The following SEMA3E variants were observed in gnomAD, a reference collection of about 807,000 sequenced individuals.
SEMA3E encodes semaphorin-3E.
A neutral mutation model predicts 93.6 loss-of-function variants in SEMA3E; 49 were observed. The ratio of observed to expected loss-of-function variants is 0.52; its 90% CI spans 0.42 to 0.66. The LOEUF (loss-of-function observed/expected upper bound fraction) is 0.66, where lower values mean the gene tolerates loss of function less well. SEMA3E is among the 30% of genes least tolerant of loss of function. SEMA3E has a pLI of 0.00. For synonymous variants in SEMA3E, 363 were observed against 330.7 expected, an observed-to-expected ratio of 1.10 and a Z score of -1.06; for missense variants, 906 against 964.8, an observed-to-expected ratio of 0.94 and a Z score of 0.81.
chr7:83,381,277 T>C (rs1787772482), intron 16 of SEMA3E, among the ~76,000 whole-genome samples: 1 of 151,986 alleles, frequency 6.6e-6, no homozygotes, highest in Admixed American at 6.6e-5. Flanking sequence ...TCTATTAGTC[T>C]CCCTACTGCT....
intron 4 of SEMA3E, among the ~76,000 whole-genome samples, chr7:83,439,347 C>T (rs1036924003): frequency 6.6e-6 from 1 of 152,104 alleles, no homozygotes; most frequent in Non-Finnish European, 1.5e-5. Context: ...CTCTAACAGC[C>T]GATTTGTTAT....
chr7:83,625,548 A>C (rs1199734433), intron 1 of SEMA3E, among the ~76,000 whole-genome samples: 1 of 152,054 alleles, frequency 6.6e-6, no homozygotes, highest in Admixed American at 6.6e-5. Flanking sequence ...ATTTTTGCAC[A>C]TTATTTTGTA....
chr7:83,554,431 C>T (rs1425044942), intron 1 of SEMA3E, among the ~76,000 whole-genome samples: 2 of 152,044 alleles, frequency 1.3e-5, no homozygotes, highest in Non-Finnish European at 2.9e-5. Context: ...GATACGTGCA[C>T]GCAATACTGC....
At chr7:83,577,072 T>TTA (rs1792420127) in intron 1 of SEMA3E, among the ~76,000 whole-genome samples, 1 of 152,220 alleles carries the variant, frequency 6.6e-6, no homozygotes, top group African/African-American at 2.4e-5. Context: ...TTCACTTCAC[T>TTA]TATATATATT....
chr7:83,555,568 G>A (rs1424878510), intron 1 of SEMA3E, among the ~76,000 whole-genome samples: 1 of 152,056 alleles, frequency 6.6e-6, no homozygotes, highest in African/African-American at 2.4e-5. Context: ...TCTACAATGA[G>A]GCTTAAAGAA....
At chr7:83,542,583 A>C (rs2115768601) in intron 1 of SEMA3E, among the ~76,000 whole-genome samples, 1 of 152,294 alleles carries the variant, frequency 6.6e-6, no homozygotes, top group East Asian at 1.9e-4. Context: ...TAAATAAAAT[A>C]AACAAAATCC....
At chr7:83,540,631 C>T (rs1203912865) in intron 1 of SEMA3E, among the ~76,000 whole-genome samples, 1 of 152,094 alleles carries the variant, frequency 6.6e-6, no homozygotes, top group African/African-American at 2.4e-5. Context: ...TAGTACTTCT[C>T]AAGGGTTGAT....
At chr7:83,616,415 A>T (rs930277290) in intron 1 of SEMA3E, among the ~76,000 whole-genome samples, 2 of 152,150 alleles carry the variant, frequency 1.3e-5, no homozygotes, top group African/African-American at 4.8e-5. Flanking sequence ...TTTGAGATGA[A>T]ACATCTTACC....
chr7:83,384,502 T>A (rs1021309553), intron 16 of SEMA3E, among the ~76,000 whole-genome samples: 9 of 152,230 alleles, frequency 5.9e-5, no homozygotes, highest in African/African-American at 2.2e-4. Flanking sequence ...TCCATTTTTT[T>A]TTCTACTTGC....
chr7:83,444,778 C>T (rs551819922), intron 4 of SEMA3E, among the ~76,000 whole-genome samples: 2 of 150,558 alleles, frequency 1.3e-5, no homozygotes, highest in South Asian at 4.2e-4. Context: ...TCAAGTGATT[C>T]TCCTGCCTCA....
chr7:83,634,995 T>C (rs1793854485), intron 1 of SEMA3E, among the ~76,000 whole-genome samples: 1 of 152,094 alleles, frequency 6.6e-6, no homozygotes, highest in African/African-American at 2.4e-5. Context: ...TCTAAGAATA[T>C]ACCATATGGT....
chr7:83,363,801 A>G lies in SEMA3E; in HGVS notation c.*3785T>C, dbSNP rs1794619809. 1 of 150,852 alleles carries G rather than the reference A, an allele frequency of 6.6e-6. No homozygotes were observed. The highest frequency in any genetic ancestry group is 2.1e-4 in the South Asian group (1 of 4,818). 9.3% of individuals were successfully genotyped at this position (150,852 alleles called of 1,614,324 possible). A position where few individuals can be genotyped will look rare whatever the true frequency, so the allele number is the denominator to read the frequency against. On this transcript the variant is annotated 3_prime_UTR_variant, in exon 17 of 17. Transcript: ENST00000643230. ...TTTCTCTTGGAATCCAAATATCTAT[A>G]CAATACTAAGTACTTTTCTTAATAT...
At chr7:83,540,312 A>G (rs1791494002) in intron 1 of SEMA3E, among the ~76,000 whole-genome samples, 1 of 152,264 alleles carries the variant, frequency 6.6e-6, no homozygotes, top group Non-Finnish European at 1.5e-5. Flanking sequence ...TTATACAAAC[A>G]TTAATCTACT....
intron 4 of SEMA3E, among the ~76,000 whole-genome samples, chr7:83,456,107 T>C (rs1185659826): frequency 6.6e-6 from 1 of 152,234 alleles, no homozygotes; most frequent in African/African-American, 2.4e-5. Flanking sequence ...CGTGCTAATA[T>C]TCTTGTGCTA....
intron 1 of SEMA3E, among the ~76,000 whole-genome samples, chr7:83,548,121 C>T (rs1201802672): frequency 1.3e-5 from 2 of 152,080 alleles, no homozygotes; most frequent in Non-Finnish European, 2.9e-5. Flanking sequence ...TCCTTTTAAA[C>T]ACACTGTATC....
At chr7:83,611,860 A>G (rs541498507) in intron 1 of SEMA3E, among the ~76,000 whole-genome samples, 1 of 152,030 alleles carries the variant, frequency 6.6e-6, no homozygotes, top group African/African-American at 2.4e-5. Flanking sequence ...GTCATTCCTC[A>G]CTTCAAAACT....
intron 1 of SEMA3E, among the ~76,000 whole-genome samples, chr7:83,569,718 C>T (rs1454101600): frequency 1.3e-5 from 2 of 152,136 alleles, no homozygotes; most frequent in Non-Finnish European, 2.9e-5. Context: ...ACGATCGGAG[C>T]ACTGAGATTC....
At position 83,370,325 on chromosome 7, in the gene SEMA3E, C is replaced by T. The variant is rs189523574; in HGVS notation, c.1876-2287G>A. 1.6e-3 allele frequency among the ~76,000 whole-genome samples: 242 copies of T among 152,234 alleles called. 1 individual carries two copies. Among genetic ancestry groups the T allele is most frequent in the Admixed American group, 3.3e-3 (51 of 15,272 alleles). On this transcript the variant is annotated intron_variant, in intron 16 of 16. Coordinates refer to ENST00000643230, the MANE Select transcript of SEMA3E (RefSeq NM_012431.3). ...AACTGCCCTCCATTTACTAACTTTCCTATTTCTGGCCATGACATCATTATT... is the reference window on the plus strand; with the variant it reads ...AACTGCCCTCCATTTACTAACTTTCTTATTTCTGGCCATGACATCATTATT...
intron 1 of SEMA3E, among the ~76,000 whole-genome samples, chr7:83,568,102 C>T (rs1180735884): frequency 6.6e-6 from 1 of 151,910 alleles, no homozygotes; most frequent in African/African-American, 2.4e-5. Context: ...TTATGAGCAA[C>T]TATATACTAA....
Sources: allele counts gnomAD v4.1 joint callset (sites outside exome capture counted in the v4.1 genomes callset), GRCh38; gene constraint gnomAD v4.1.1; transcripts MANE v1.5; gene names NCBI Gene and HGNC (gene_info 2026-07-23, HGNC 2026-07-21).